DCTPP1: variants seen among roughly 807,000 people sequenced by gnomAD.
The protein encoded by DCTPP1 is XTP3-transactivated gene A protein.
DCTPP1 carries 8 observed loss-of-function variants against 8.8 expected under a neutral mutation model. That is an observed-to-expected ratio of 0.91 (90% CI 0.54 to 1.64). DCTPP1 has a LOEUF of 1.64. Among genes scored for constraint, DCTPP1 ranks in the 40% most tolerant of loss-of-function variants. DCTPP1 has a pLI of 0.00. For missense variants in DCTPP1, 231 were observed against 230.4 expected (o/e 1.00, Z -0.02); for synonymous variants, 85 against 92.1 (o/e 0.92, Z 0.44).
rs1241131973 is a variant in DCTPP1 at position 30,429,862 on chromosome 16, T to C, written c.101+18A>G. ...AAGGGGCGACTTCCCCACCCCGAGC[T>C]GGGCCAGGCCTGCTTACATGTCCTC... On this transcript the variant is annotated intron_variant, in intron 1 of 2. Coordinates refer to ENST00000319285, the MANE Select transcript of DCTPP1 (RefSeq NM_024096.2). 2 of 1,587,752 alleles carry C rather than the reference T, an allele frequency of 1.3e-6. No individual in the cohort carries two copies. Among genetic ancestry groups the C allele is most frequent in the Non-Finnish European group, 1.7e-6 (2 of 1,168,376 alleles).
At chr16:30,429,034 C>CA in intron 2 of DCTPP1, 23 bp downstream of exon 2, 19 of 1,609,154 alleles carry the variant, frequency 1.2e-5, no homozygotes, top group Non-Finnish European at 1.6e-5. Context: ...CAGACTCTAC[C>CA]AGGAAGCTTT....
At position 30,429,895 on chromosome 16, in the gene DCTPP1, G is replaced by C. The variant is rs761580953; in HGVS notation, c.86C>G (p.Pro29Arg). 1.3e-6 allele frequency: 2 copies of C among 1,596,510 alleles called. No homozygotes were observed. The highest frequency in any genetic ancestry group is 1.1e-5 in the South Asian group (1 of 89,916). ...APGRFSFSPE[P>R]TLEDIRRLHA... ...GCCTGCTTACATGTCCTCGAGCGTG[G>C]GCTCCGGGCTGAAGCTGAACCGGCC... The change falls in exon 1 of 3, where the codon CCC becomes CGC. Residue 29 changes from proline to arginine, a missense_variant. By Grantham distance (103) the Pro-to-Arg change is moderately radical. Coordinates refer to ENST00000319285, the MANE Select transcript of DCTPP1 (RefSeq NM_024096.2).
In DCTPP1 at chr16:30,429,988, A is replaced by G. The variant is rs201625150; in HGVS notation, c.-8T>C. 2.1e-5 allele frequency: 32 copies of G among 1,497,326 alleles called. No homozygotes were observed. Among genetic ancestry groups the G allele is most frequent in the Admixed American group, 9.2e-5 (4 of 43,342 alleles). The allele number at this position is 1,497,326 out of a possible 1,614,324, so 92.8% of individuals were successfully genotyped here. On this transcript the variant is annotated 5_prime_UTR_variant, in exon 1 of 3. Transcript: ENST00000319285. ...CCCACCGGCCACAGACATGCCGCCC[A>G]CCGCTGCACCGCGACTTCACGGAAA...
At chr16:30,428,901 G>A (rs1334241183) in intron 2 of DCTPP1, 156 bp downstream of exon 2, 1 of 696,834 alleles carries the variant, frequency 1.4e-6, no homozygotes, top group Non-Finnish European at 2.3e-6. Flanking sequence ...CCCCTAGAGG[G>A]CAGGGACCCG....
At position 30,429,127 on chromosome 16, in the gene DCTPP1, C is replaced by G; in HGVS notation, c.142G>C (p.Glu48Gln). The stretch of plus-strand genomic sequence containing the variant: ...AGATTCCGAGGCTGATGGAACTGTT[C>G]CCAGTCTCGTTCCGCAGCAAACTCA... The part of the protein sequence containing the change: ...HAEFAAERDW[E>Q]QFHQPRNLLL... Residue 48 changes from glutamate (E) to glutamine (Q), a missense_variant, in exon 2 of 3, where the codon GAA becomes CAA. By Grantham distance (29) the Glu-to-Gln change is conservative (BLOSUM62 2). Transcript: ENST00000319285. The G allele has an allele frequency of 6.2e-7, 1 of 1,613,988 alleles. No individual in the cohort carries two copies. Among genetic ancestry groups the G allele is most frequent in the Non-Finnish European group, 8.5e-7 (1 of 1,179,954 alleles).
At chr16:30,428,869 C>G in intron 2 of DCTPP1, 188 bp downstream of exon 2, 4 of 555,596 alleles carry the variant, frequency 7.2e-6, no homozygotes, top group Non-Finnish European at 1.3e-5. Flanking sequence ...CCTCACACCT[C>G]TCTCTTCCAG....
chr16:30,424,635 C>T (rs538816796), intron 2 of DCTPP1, 102 bp from the exon 3 acceptor site: 1 of 1,427,612 alleles, frequency 7.0e-7, no homozygotes, highest in Admixed American at 2.2e-5. Flanking sequence ...GACGACCTAA[C>T]CAATCTGGGC....
chr16:30,429,627 G>C (rs1343703581), intron 1 of DCTPP1: 1 of 486,762 alleles, frequency 2.1e-6, no homozygotes, highest in African/African-American at 2.0e-5. Flanking sequence ...TCTGGTGCCG[G>C]TATCTTCCCA....
chr16:30,426,690 TTTTTTG>T, intron 2 of DCTPP1, among the ~76,000 whole-genome samples: 1 of 151,932 alleles, frequency 6.6e-6, no homozygotes, highest in Admixed American at 6.6e-5. Context: ...CAGGCTGGTC[TTTTTTG>T]TTTTGTTTTG....
intron 2 of DCTPP1, among the ~76,000 whole-genome samples, chr16:30,428,092 C>T (rs1282331460): frequency 2.0e-5 from 3 of 152,186 alleles, no homozygotes; most frequent in Non-Finnish European, 4.4e-5. Flanking sequence ...CTCAGTGATC[C>T]ATCCAATCCA....
At chr16:30,425,266 A>T (rs909203269) in intron 2 of DCTPP1, among the ~76,000 whole-genome samples, 11 of 152,098 alleles carry the variant, frequency 7.2e-5, no homozygotes, top group Non-Finnish European at 1.3e-4. Context: ...AAGCGGGTGG[A>T]TCATGAGGTC....
chr16:30,429,193 T>G, intron 1 of DCTPP1, 26 bp from the exon 2 acceptor site: 1 of 1,612,666 alleles, frequency 6.2e-7, no homozygotes, highest in Non-Finnish European at 8.5e-7. Context: ...GGAGTGTAAG[T>G]CCAAGTCTCC....
intron 1 of DCTPP1, 65 bp from the exon 2 acceptor site, chr16:30,429,232 G>A (rs2050211047): frequency 1.3e-6 from 2 of 1,551,928 alleles, no homozygotes; most frequent in African/African-American, 2.7e-5. Context: ...GGGGCCAGAG[G>A]CAGCTACCCC....
chr16:30,429,608 G>C (rs1384102612), intron 1 of DCTPP1: 1 of 475,758 alleles, frequency 2.1e-6, no homozygotes, highest in African/African-American at 2.0e-5. Flanking sequence ...CTGGAGAGCA[G>C]AGGCGGTATC....
chr16:30,426,632 C>T (rs375107672), intron 2 of DCTPP1, among the ~76,000 whole-genome samples: 7 of 152,010 alleles, frequency 4.6e-5, no homozygotes, highest in Non-Finnish European at 8.8e-5. Flanking sequence ...TGACCACACC[C>T]GGCTAATTTT....
intron 2 of DCTPP1, among the ~76,000 whole-genome samples, chr16:30,424,869 C>G (rs1034254570): frequency 5.9e-5 from 9 of 152,224 alleles, no homozygotes; most frequent in African/African-American, 2.2e-4. Context: ...AGCTCATCTT[C>G]TACTCCTGCC....
intron 2 of DCTPP1, among the ~76,000 whole-genome samples, chr16:30,425,801 G>A (rs1748698971): frequency 6.6e-6 from 1 of 152,178 alleles, no homozygotes; most frequent in Non-Finnish European, 1.5e-5. Flanking sequence ...TTGGTAACAG[G>A]AGCAGAACTC....
intron 1 of DCTPP1, 109 bp downstream of exon 1, chr16:30,429,771 G>T: frequency 1.8e-6 from 2 of 1,098,276 alleles, no homozygotes; most frequent in South Asian, 1.5e-5. Flanking sequence ...ACAGAGCCAG[G>T]ACCCGAGCCC....
At chr16:30,426,196 GAC>G (rs2050191300) in intron 2 of DCTPP1, among the ~76,000 whole-genome samples, 3 of 152,082 alleles carry the variant, frequency 2.0e-5, no homozygotes, top group Admixed American at 2.0e-4. Flanking sequence ...TTTTGTTTTT[GAC>G]AGAGTCTTGC....
Sources: gnomAD v4.1 joint callset for allele counts (sites outside exome capture counted in the v4.1 genomes callset) on GRCh38, gnomAD v4.1.1 for gene constraint, MANE v1.5 for transcripts, NCBI Gene and HGNC (gene_info 2026-07-23, HGNC 2026-07-21) for gene names.